ARID5B: variants seen among roughly 807,000 people sequenced by gnomAD.
The protein encoded by ARID5B is AT-rich interactive domain-containing protein 5B.
A neutral mutation model predicts 97.2 loss-of-function variants in ARID5B; 13 were observed. The observed-to-expected ratio is 0.13, with a 90% CI of 0.09 to 0.21. The LOEUF is 0.21. Among genes scored for constraint, ARID5B ranks in the 10% least tolerant of loss-of-function variants. The pLI is 1.00. For synonymous variants in ARID5B, 556 were observed against 570.3 expected, an observed-to-expected ratio of 0.97 and a Z score of 0.36; for missense variants, 1,210 against 1,465.3, an observed-to-expected ratio of 0.83 and a Z score of 2.84.
At chr10:62,079,656 AGTACCAC>A (rs1204600572) in intron 8 of ARID5B, among the ~76,000 whole-genome samples, 1 of 152,182 alleles carries the variant, frequency 6.6e-6, no homozygotes, top group Non-Finnish European at 1.5e-5. Context: ...TGCTGTGTCC[AGTACCAC>A]GTACCTTTCT....
At chr10:62,012,081 C>A (rs145885462) in intron 4 of ARID5B, among the ~76,000 whole-genome samples, 2 of 151,980 alleles carry the variant, frequency 1.3e-5, no homozygotes. Flanking sequence ...ATTTCTATTA[C>A]GAAAAGTACA....
rs569580322 is a variant in ARID5B, at chr10:61,934,289, C to T, written c.277-5894C>T. On this transcript the variant is annotated intron_variant, in intron 2 of 9. Coordinates refer to ENST00000279873, the MANE Select transcript of ARID5B (RefSeq NM_032199.3). Reference sequence around the variant, plus strand: ...TCTACCCAGACCACTAAAACTTTCTCCATATCAGCAGTAAGTCTGTTTTGC... The same window carrying T: ...TCTACCCAGACCACTAAAACTTTCTTCATATCAGCAGTAAGTCTGTTTTGC... Among the ~76,000 whole-genome samples the T allele has an allele frequency of 7.2e-5, 11 of 152,320 alleles. No homozygotes were observed. In the South Asian group the frequency reaches 2.1e-3, roughly 29 times the overall value.
At chr10:62,008,548 A>G (rs1839176221) in intron 4 of ARID5B, among the ~76,000 whole-genome samples, 1 of 152,240 alleles carries the variant, frequency 6.6e-6, no homozygotes, top group Non-Finnish European at 1.5e-5. Flanking sequence ...AATCACAAGC[A>G]TTCAAAATCT....
intron 2 of ARID5B, among the ~76,000 whole-genome samples, chr10:61,907,135 T>G (rs966231128): frequency 9.2e-5 from 14 of 152,234 alleles, no homozygotes; most frequent in Non-Finnish European, 1.5e-4. Flanking sequence ...CAGGCTATCT[T>G]TCATCTCCAT....
intron 2 of ARID5B, among the ~76,000 whole-genome samples, chr10:61,928,261 C>T (rs933053790): frequency 3.3e-5 from 5 of 152,124 alleles, no homozygotes; most frequent in African/African-American, 1.2e-4. Flanking sequence ...ACACCTCTGT[C>T]ACTTGTTCCA....
intron 3 of ARID5B, among the ~76,000 whole-genome samples, chr10:61,987,078 G>A (rs1838857189): frequency 6.6e-6 from 1 of 152,186 alleles, no homozygotes; most frequent in South Asian, 2.1e-4. Flanking sequence ...TGTGGCCTTG[G>A]CCAGAGCTGC....
rs1432781745 is a variant in ARID5B, at chr10:62,050,955, T to C, written c.801T>C (p.Gly267=). 9 of 1,614,214 alleles carry C rather than the reference T, an allele frequency of 5.6e-6. No individual in the cohort carries two copies. The highest frequency in any genetic ancestry group is 2.5e-6 in the Non-Finnish European group (3 of 1,180,012). ...PCPQRRDSFS[G]VKDSNNNSDG... is the part of the protein sequence containing the mutation. ...CACAAAGAAGAGATTCATTCAGTGG[T>C]GTTAAGGATTCCAACAACAATTCCG... The change falls in exon 5 of 10, where the codon GGT becomes GGC. Residue 267 remains glycine (G), a synonymous_variant. Transcript: ENST00000279873.
At chr10:61,990,258 G>T (rs2132855323) in intron 3 of ARID5B, among the ~76,000 whole-genome samples, 1 of 152,358 alleles carries the variant, frequency 6.6e-6, no homozygotes, top group African/African-American at 2.4e-5. Flanking sequence ...CCAGAAGTCA[G>T]TGCAGTTGCA....
chr10:62,010,479 G>C (rs1209816054), intron 4 of ARID5B, among the ~76,000 whole-genome samples: 2 of 152,208 alleles, frequency 1.3e-5, no homozygotes, highest in Non-Finnish European at 2.9e-5. Flanking sequence ...CTAGATCCGA[G>C]AGGGCTTCAA....
At chr10:62,060,144 T>C (rs10761604) in intron 7 of ARID5B, among the ~76,000 whole-genome samples, 67,358 of 152,048 alleles carry the variant, frequency 0.44, 16,044 homozygotes, top group Non-Finnish European at 0.56. Context: ...CTGGGATATC[T>C]CTGTACCATA....
chr10:61,940,923 CTATATATATATATATATATATATA>C (rs1281824107), intron 3 of ARID5B, among the ~76,000 whole-genome samples: 20 of 11,450 alleles, frequency 1.7e-3, no homozygotes, highest in Admixed American at 5.9e-3. Context: ...GTACCATCAA[CTATATATATATATATATATATATA>C]TATATATATA....
intron 3 of ARID5B, among the ~76,000 whole-genome samples, chr10:61,991,803 G>A (rs1211474892): frequency 2.6e-5 from 4 of 152,202 alleles, no homozygotes; most frequent in Admixed American, 1.3e-4. Context: ...GCTGAGGTGG[G>A]CGGATCACCT....
At chr10:62,014,939 C>G (rs376989178) in intron 4 of ARID5B, among the ~76,000 whole-genome samples, 6 of 152,212 alleles carry the variant, frequency 3.9e-5, no homozygotes, top group East Asian at 1.9e-4. Context: ...CTTTAAGAAC[C>G]TTTTCTGTTC....
chr10:62,009,789 C>T (rs373172175), intron 4 of ARID5B, among the ~76,000 whole-genome samples: 1 of 152,116 alleles, frequency 6.6e-6, no homozygotes, highest in African/African-American at 2.4e-5. Context: ...GAGGTCAAAC[C>T]GTAGGTGCCA....
Position 62,092,716 on chromosome 10 carries a change from A to G in ARID5B, c.3253A>G (p.Ser1085Gly). ...TATCTTCCCAGGTCTGTATTCCGGGAGCCTGTGTAACTCGGGCCTCAACTC... is the reference window on the plus strand; with the variant it reads ...TATCTTCCCAGGTCTGTATTCCGGGGGCCTGTGTAACTCGGGCCTCAACTC... Reference protein sequence around the residue: ...SPIFPGLYSGSLCNSGLNSRL... With the variant: ...SPIFPGLYSGGLCNSGLNSRL... The change falls in exon 10 of 10, where the codon AGC becomes GGC. Residue 1085 changes from serine (S) to glycine (G), a missense_variant. Ser to Gly is a moderately conservative substitution (Grantham distance 56). Around this residue, in one of 8 missense-constraint regions of ARID5B, gnomAD observed 800 missense variants for 839.1 expected, o/e 0.95. Coordinates refer to ENST00000279873, the MANE Select transcript of ARID5B (RefSeq NM_032199.3). The G allele has an allele frequency of 6.2e-7, 1 of 1,614,106 alleles. No homozygotes were observed. Among genetic ancestry groups the G allele is most frequent in the African/African-American group, 1.3e-5 (1 of 75,026 alleles).
At chr10:62,084,599 G>A (rs999604527) in intron 8 of ARID5B, among the ~76,000 whole-genome samples, 4 of 152,188 alleles carry the variant, frequency 2.6e-5, no homozygotes, top group Non-Finnish European at 4.4e-5. Context: ...CCCACAGTGA[G>A]TCATTAATCA....
chr10:62,028,563 C>T (rs1839452252), intron 4 of ARID5B, among the ~76,000 whole-genome samples: 1 of 152,212 alleles, frequency 6.6e-6, no homozygotes, highest in Non-Finnish European at 1.5e-5. Flanking sequence ...GACTCACCCT[C>T]TCTCAGCCTC....
chr10:61,988,433 C>T (rs1005093736), intron 3 of ARID5B, among the ~76,000 whole-genome samples: 1 of 152,144 alleles, frequency 6.6e-6, no homozygotes, highest in Non-Finnish European at 1.5e-5. Flanking sequence ...ACAGTTGAAG[C>T]TTTTAAGAGA....
intron 2 of ARID5B, among the ~76,000 whole-genome samples, chr10:61,937,232 C>T (rs1404664284): frequency 1.3e-5 from 2 of 152,144 alleles, no homozygotes; most frequent in African/African-American, 4.8e-5. Context: ...TCAGTTTCAA[C>T]TGTTTTTTAT....
Sources: allele counts gnomAD v4.1 joint callset (sites outside exome capture counted in the v4.1 genomes callset), GRCh38; gene constraint gnomAD v4.1.1; regional missense constraint gnomAD v4.1.1; transcripts MANE v1.5; gene names NCBI Gene and HGNC (gene_info 2026-07-23, HGNC 2026-07-21).